DCAF8L2: variants seen among roughly 807,000 people sequenced by gnomAD.
DCAF8L2 encodes DDB1- and CUL4-associated factor 8-like protein 2.
For synonymous variants in DCAF8L2, 200 were observed against 190.9 expected, an observed-to-expected ratio of 1.05 and a Z score of -0.39; for missense variants, 430 against 490.7, an observed-to-expected ratio of 0.88 and a Z score of 1.17.
intron 2 of DCAF8L2, among the ~76,000 whole-genome samples, chrX:27,673,423 G>A (rs1039976180): frequency 2.0e-5 from 2 of 101,717 alleles, no homozygotes; most frequent in Admixed American, 1.1e-4. Context: ...CACAAGAATC[G>A]TTTGAACCCG....
chrX:27,538,398 T>C, the DCAF8L2 span, among the ~76,000 whole-genome samples: 1 of 110,333 alleles, frequency 9.1e-6, no homozygotes, highest in African/African-American at 3.3e-5. Context: ...TATTTATTTA[T>C]TTATTTATTT....
At chrX:27,528,476 G>GTATATATATATATATA in the DCAF8L2 span, among the ~76,000 whole-genome samples, 109 of 83,425 alleles carry the variant, frequency 1.3e-3, 2 homozygotes, top group African/African-American at 4.3e-3. Context: ...ATGTGTATGT[G>GTATATATATATATATA]TATATATATA....
intron 3 of DCAF8L2, among the ~76,000 whole-genome samples, chrX:27,683,272 C>A (rs975541664): frequency 7.2e-5 from 8 of 111,876 alleles, no homozygotes; most frequent in Non-Finnish European, 1.1e-4. Flanking sequence ...AATCTCTGCT[C>A]TTCACCATTC....
rs971239376 is a variant in DCAF8L2, at chrX:27,704,281, T to C, written c.-142-11807T>C. 2.8e-5 allele frequency among the ~76,000 whole-genome samples: 3 copies of C among 106,763 alleles called. No individual in the cohort carries two copies. The South Asian group carries it at 1.2e-3, about 42-fold the overall frequency. 92.7% of individuals were successfully genotyped at this position (106,763 alleles called of 115,157 possible). On this transcript the variant is annotated intron_variant, in intron 3 of 4. Coordinates refer to ENST00000451261, the MANE Select transcript of DCAF8L2 (RefSeq NM_001353450.2). ...ACGTATATATACGTATATATGTACATATATATATACATATATATGTGTGTG... is the reference window on the plus strand; with the variant it reads ...ACGTATATATACGTATATATGTACACATATATATACATATATATGTGTGTG...
chrX:27,599,665 A>G (rs904124640), intron 1 of DCAF8L2, among the ~76,000 whole-genome samples: 16 of 111,241 alleles, frequency 1.4e-4, no homozygotes, highest in African/African-American at 5.2e-4. Flanking sequence ...ATTTCATAGA[A>G]TAGTACACAC....
intron 2 of DCAF8L2, among the ~76,000 whole-genome samples, chrX:27,637,635 G>A (rs1297790260): frequency 2.7e-5 from 3 of 111,732 alleles, no homozygotes; most frequent in Non-Finnish European, 3.8e-5. Context: ...ATCTTTACTC[G>A]GGCTTCATTC....
chrX:27,585,142 C>T, the DCAF8L2 span, among the ~76,000 whole-genome samples: 2 of 110,922 alleles, frequency 1.8e-5, no homozygotes, highest in Admixed American at 9.7e-5. Context: ...TCTTCTTCCT[C>T]GTGTCTCCTT....
At position 27,639,789 on chromosome X, in the gene DCAF8L2, C is replaced by G. The variant is rs17344205; in HGVS notation, c.-220+7789C>G. Among the ~76,000 whole-genome samples, 980 of 111,572 alleles carry G rather than the reference C, an allele frequency of 8.8e-3. 26 individuals carry two copies. The highest frequency in any genetic ancestry group is 0.073 in the Admixed American group (760 of 10,456). ...GTTATAGCTGCCACTTGGATGTCAA[C>G]TGTACTGGCATTTTTCATAGAACTT... On this transcript the variant is annotated intron_variant, in intron 2 of 4. Coordinates refer to ENST00000451261, the MANE Select transcript of DCAF8L2 (RefSeq NM_001353450.2).
At chrX:27,610,515 CAATT>C (rs1341210799) in intron 1 of DCAF8L2, among the ~76,000 whole-genome samples, 2 of 111,356 alleles carry the variant, frequency 1.8e-5, no homozygotes, top group Non-Finnish European at 3.8e-5. Context: ...TACAGTGCTG[CAATT>C]AATTCATTGG....
intron 2 of DCAF8L2, among the ~76,000 whole-genome samples, chrX:27,672,967 A>C (rs1930001253): frequency 9.0e-6 from 1 of 110,546 alleles, no homozygotes; most frequent in African/African-American, 3.3e-5. Context: ...GGACATCTTC[A>C]CTTAAATGCA....
At chrX:27,557,729 T>C in the DCAF8L2 span, among the ~76,000 whole-genome samples, 1 of 102,331 alleles carries the variant, frequency 9.8e-6, no homozygotes, top group Non-Finnish European at 2.1e-5. Context: ...AAAAGTTCTA[T>C]GTAGCTGAGG....
chrX:27,533,176 A>AGAGAGAG, the DCAF8L2 span, among the ~76,000 whole-genome samples: 10 of 14,836 alleles, frequency 6.7e-4, no homozygotes, highest in Non-Finnish European at 1.5e-3. Context: ...GAAAGAAAGA[A>AGAGAGAG]AGAAAGAAAG....
intron 3 of DCAF8L2, among the ~76,000 whole-genome samples, chrX:27,686,074 CA>C (rs1930494094): frequency 9.0e-6 from 1 of 111,191 alleles, no homozygotes; most frequent in Admixed American, 9.6e-5. Flanking sequence ...ATCAAAAAGA[CA>C]AAAACAAAAT....
chrX:27,743,544 C>T (rs183757114), intron 4 of DCAF8L2, among the ~76,000 whole-genome samples: 3 of 106,641 alleles, frequency 2.8e-5, no homozygotes, highest in African/African-American at 6.8e-5. Flanking sequence ...ACCACATTCA[C>T]GCCACCACGA....
chrX:27,710,041 C>A (rs1407263229), intron 3 of DCAF8L2, among the ~76,000 whole-genome samples: 1 of 110,948 alleles, frequency 9.0e-6, no homozygotes. Flanking sequence ...CATTAAGGGC[C>A]TATGCTCAAT....
At chrX:27,482,576 C>T in the DCAF8L2 span, among the ~76,000 whole-genome samples, 2 of 111,514 alleles carry the variant, frequency 1.8e-5, no homozygotes, top group Non-Finnish European at 3.8e-5. Context: ...TATTCAACAA[C>T]TTCCACAATA....
the DCAF8L2 span, among the ~76,000 whole-genome samples, chrX:27,494,042 A>G: frequency 8.9e-6 from 1 of 111,973 alleles, no homozygotes; most frequent in African/African-American, 3.2e-5. Flanking sequence ...TGGTTACTAC[A>G]TATAATGCTT....
At chrX:27,691,863 C>A (rs1483948188) in intron 3 of DCAF8L2, among the ~76,000 whole-genome samples, 1 of 111,296 alleles carries the variant, frequency 9.0e-6, no homozygotes, top group Non-Finnish European at 1.9e-5. Flanking sequence ...GAATGGAATT[C>A]TCTTCACATT....
At chrX:27,689,479 A>G (rs771618485) in intron 3 of DCAF8L2, among the ~76,000 whole-genome samples, 1 of 112,663 alleles carries the variant, frequency 8.9e-6, no homozygotes, top group East Asian at 2.8e-4. Flanking sequence ...TCCTGACCTC[A>G]GGTGATCCAC....
Sources: gnomAD v4.1 joint callset for allele counts (sites outside exome capture counted in the v4.1 genomes callset) on GRCh38, gnomAD v4.1.1 for gene constraint, MANE v1.5 for transcripts, NCBI Gene and HGNC (gene_info 2026-07-23, HGNC 2026-07-21) for gene names.